PUDP: variants seen among roughly 807,000 people sequenced by gnomAD.
The protein encoded by PUDP is pseudouridine-5'-phosphatase.
A neutral mutation model predicts 9.4 loss-of-function variants in PUDP; 8 were observed. The ratio of observed to expected loss-of-function variants is 0.85; its 90% CI spans 0.50 to 1.53. PUDP has a LOEUF of 1.53. PUDP is among the 40% of genes most tolerant of loss of function. The pLI, the probability that PUDP is intolerant of heterozygous loss-of-function variation, is 0.00. For synonymous variants in PUDP, 99 were observed against 80.7 expected, an observed-to-expected ratio of 1.23 and a Z score of -1.22; for missense variants, 188 against 189.7, an observed-to-expected ratio of 0.99 and a Z score of 0.05.
chrX:6,934,571 C>T (rs1398574560), intron 3 of PUDP, among the ~76,000 whole-genome samples: 1 of 109,394 alleles, frequency 9.1e-6, no homozygotes, highest in Non-Finnish European at 1.9e-5. Flanking sequence ...GAAATTGCAT[C>T]GACTAACGAG....
intron 1 of PUDP, among the ~76,000 whole-genome samples, chrX:7,140,976 T>C (rs1411218775): frequency 9.0e-6 from 1 of 111,581 alleles, no homozygotes; most frequent in Non-Finnish European, 1.9e-5. Context: ...ACCGCACCCA[T>C]ATAAGTCAGA....
chrX:6,918,468 A>C (rs933772454), intron 3 of PUDP, among the ~76,000 whole-genome samples: 6 of 112,010 alleles, frequency 5.4e-5, no homozygotes, highest in African/African-American at 9.7e-5. Flanking sequence ...CAAAAAAAAA[A>C]ACATAATTTA....
intron 1 of PUDP, among the ~76,000 whole-genome samples, chrX:6,717,487 GTCCTCCT>G (rs1405422894): frequency 9.0e-6 from 1 of 111,394 alleles, no homozygotes; most frequent in East Asian, 2.8e-4. Flanking sequence ...TTTTCCTTCT[GTCCTCCT>G]TCCTGCACTT....
chrX:6,841,644 A>G (rs369174571), intron 3 of PUDP, among the ~76,000 whole-genome samples: 13 of 111,923 alleles, frequency 1.2e-4, no homozygotes, highest in East Asian at 2.8e-4. Flanking sequence ...TTAACACATA[A>G]TATTTATTTA....
intron 3 of PUDP, among the ~76,000 whole-genome samples, chrX:6,765,255 A>G (rs190254735): frequency 2.8e-3 from 310 of 111,572 alleles, no homozygotes; most frequent in Non-Finnish European, 4.7e-3. Context: ...CCTCCAGCCT[A>G]GACAACAGAG....
At chrX:6,997,591 T>C (rs972903177) in intron 1 of PUDP, among the ~76,000 whole-genome samples, 1 of 112,439 alleles carries the variant, frequency 8.9e-6, no homozygotes, top group Non-Finnish European at 1.9e-5. Flanking sequence ...TATAAAATAG[T>C]GCAGATTTCC....
chrX:6,923,301 G>T (rs1383709006), intron 3 of PUDP, among the ~76,000 whole-genome samples: 2 of 111,130 alleles, frequency 1.8e-5, no homozygotes, highest in African/African-American at 6.5e-5. Flanking sequence ...CAGCCTCACG[G>T]TTTTAAATAC....
intron 3 of PUDP, among the ~76,000 whole-genome samples, chrX:6,735,199 C>A (rs1051351788): frequency 9.0e-5 from 10 of 111,638 alleles, no homozygotes; most frequent in African/African-American, 1.6e-4. Context: ...TTACTCAGGG[C>A]AGGCTGGTTT....
At chrX:6,970,837 G>A (rs1344940774) in intron 3 of PUDP, among the ~76,000 whole-genome samples, 1 of 110,795 alleles carries the variant, frequency 9.0e-6, no homozygotes, top group Non-Finnish European at 1.9e-5. Flanking sequence ...GCTGAGGTGG[G>A]TGGGAGTTTA....
At chrX:6,984,738 C>T (rs1929082339) in intron 1 of PUDP, among the ~76,000 whole-genome samples, 1 of 111,422 alleles carries the variant, frequency 9.0e-6, no homozygotes, top group African/African-American at 3.3e-5. Context: ...AGAATACTGC[C>T]TCCGAATCCA....
intron 3 of PUDP, among the ~76,000 whole-genome samples, chrX:6,752,145 A>G (rs1925100807): frequency 9.0e-6 from 1 of 111,678 alleles, no homozygotes; most frequent in African/African-American, 3.3e-5. Context: ...GGAAGCATTT[A>G]AACCCCATAT....
At chrX:6,802,263 C>G (rs1925946475) in intron 3 of PUDP, among the ~76,000 whole-genome samples, 1 of 111,442 alleles carries the variant, frequency 9.0e-6, no homozygotes, top group Non-Finnish European at 1.9e-5. Flanking sequence ...TGAATAGACA[C>G]ACACTCCTAA....
chrX:6,893,344 A>T (rs770950338), intron 3 of PUDP, among the ~76,000 whole-genome samples: 1 of 111,673 alleles, frequency 9.0e-6, no homozygotes, highest in Non-Finnish European at 1.9e-5. Flanking sequence ...GCTAATGTAG[A>T]AATGATCACA....
chrX:6,926,320 A>G (rs965552960), intron 3 of PUDP, among the ~76,000 whole-genome samples: 1 of 112,277 alleles, frequency 8.9e-6, no homozygotes, highest in Non-Finnish European at 1.9e-5. Context: ...TTCTGCTGAC[A>G]GTCAGACAGG....
intron 2 of PUDP, chrX:7,085,484 C>T (rs1410357425): frequency 1.8e-5 from 2 of 111,641 alleles, no homozygotes; most frequent in African/African-American, 6.5e-5. Flanking sequence ...GAGAGAGTGA[C>T]CAAGAAGGGA....
At chrX:6,745,487 C>T (rs1026836198) in intron 3 of PUDP, among the ~76,000 whole-genome samples, 1 of 112,123 alleles carries the variant, frequency 8.9e-6, no homozygotes, top group African/African-American at 3.2e-5. Context: ...ACAAAGATCA[C>T]ACCACAGAAA....
At chrX:6,710,136 CA>C (rs1298337208) in intron 1 of PUDP, among the ~76,000 whole-genome samples, 1 of 111,593 alleles carries the variant, frequency 9.0e-6, no homozygotes, top group African/African-American at 3.3e-5. Flanking sequence ...ACAACAACAA[CA>C]AAACAAACAA....
At chrX:6,894,707 G>A (rs1256835469) in intron 3 of PUDP, among the ~76,000 whole-genome samples, 1 of 111,506 alleles carries the variant, frequency 9.0e-6, no homozygotes, top group Non-Finnish European at 1.9e-5. Context: ...GCAGAGCCAA[G>A]GATGGTGTGG....
intron 3 of PUDP, among the ~76,000 whole-genome samples, chrX:6,859,040 C>T (rs946683894): frequency 1.6e-4 from 18 of 111,415 alleles, no homozygotes; most frequent in African/African-American, 3.9e-4. Flanking sequence ...ACAGTGAATA[C>T]GTCTCAGGAG....
Sources: allele counts gnomAD v4.1 joint callset (sites outside exome capture counted in the v4.1 genomes callset), GRCh38; gene constraint gnomAD v4.1.1; transcripts MANE v1.5; gene names NCBI Gene and HGNC (gene_info 2026-07-23, HGNC 2026-07-21).